SUFU: variants seen among roughly 807,000 people sequenced by gnomAD.
The protein encoded by SUFU is suppressor of fused homolog.
In SUFU, 7 loss-of-function variants were observed where a neutral mutation model predicts 58.9. The ratio of observed to expected loss-of-function variants is 0.12; its 90% CI spans 0.07 to 0.22. SUFU has a LOEUF of 0.22. SUFU is among the 10% of genes least tolerant of loss of function. The pLI, the probability that SUFU is intolerant of heterozygous loss-of-function variation, is 1.00. For synonymous variants in SUFU, 232 were observed against 254.8 expected (o/e 0.91, Z 0.85); for missense variants, 451 against 641.3 (o/e 0.70, Z 3.20).
intron 2 of SUFU, among the ~76,000 whole-genome samples, chr10:102,534,176 C>G (rs958206964): frequency 4.6e-5 from 7 of 152,258 alleles, no homozygotes; most frequent in African/African-American, 1.7e-4. Flanking sequence ...CGCCTGTAAT[C>G]CCAGCACTTT....
chr10:102,569,561 CA>C (rs1188580360), intron 3 of SUFU, among the ~76,000 whole-genome samples: 5 of 152,144 alleles, frequency 3.3e-5, no homozygotes, highest in African/African-American at 1.2e-4. Context: ...GCCTGAACAC[CA>C]AAAGGGTTCA....
intron 6 of SUFU, among the ~76,000 whole-genome samples, chr10:102,594,985 G>T (rs2063446935): frequency 6.6e-6 from 1 of 152,220 alleles, no homozygotes; most frequent in Non-Finnish European, 1.5e-5. Flanking sequence ...CTCCCAAAGT[G>T]CTGGGATTAC....
chr10:102,515,785 A>G (rs1387315884), intron 2 of SUFU, among the ~76,000 whole-genome samples: 1 of 152,178 alleles, frequency 6.6e-6, no homozygotes, highest in Admixed American at 6.5e-5. Context: ...CCCCTGGCTA[A>G]GTTTAGCAGG....
rs568799398 is a variant in SUFU, at chr10:102,617,836, G to C, written c.1296+408G>C. 2.3e-6 allele frequency: 1 copy of C among 440,992 alleles called. No homozygotes were observed. The highest frequency in any genetic ancestry group is 4.0e-6 in the Non-Finnish European group (1 of 250,270). The allele number at this position is 440,992 out of a possible 1,614,324, so 27.3% of individuals were successfully genotyped here. A position where few individuals can be genotyped will look rare whatever the true frequency, so the allele number is the denominator to read the frequency against. ...CAATGGCTACATGGAAATCCCACCA[G>C]AATTCAGACAGTGGCATGTGTGCCT... On this transcript the variant is annotated intron_variant, in intron 10 of 11. Transcript: ENST00000369902. This position sits in a 1 kb window ranked among gnomAD's most constrained non-coding sequence, Gnocchi z 4.4.
chr10:102,521,693 A>G (rs2062553879), intron 2 of SUFU, among the ~76,000 whole-genome samples: 1 of 152,188 alleles, frequency 6.6e-6, no homozygotes, highest in Non-Finnish European at 1.5e-5. Context: ...TGAGAAATGC[A>G]TATACCATGC....
intron 2 of SUFU, among the ~76,000 whole-genome samples, chr10:102,537,821 T>A (rs1373026638): frequency 6.6e-6 from 1 of 152,230 alleles, no homozygotes; most frequent in Non-Finnish European, 1.5e-5. Flanking sequence ...CTTGGGTTGC[T>A]TCTACCTTTT....
intron 2 of SUFU, among the ~76,000 whole-genome samples, chr10:102,525,578 C>A (rs1000298794): frequency 6.6e-6 from 1 of 152,218 alleles, no homozygotes; most frequent in African/African-American, 2.4e-5. Context: ...TCTCAGTTCA[C>A]TGCAACCTCT....
intron 8 of SUFU, among the ~76,000 whole-genome samples, chr10:102,607,213 TA>T (rs1169074790): frequency 6.6e-6 from 1 of 152,104 alleles, no homozygotes; most frequent in Non-Finnish European, 1.5e-5. Flanking sequence ...CATGCCTGGC[TA>T]ATTTTTTGTA....
chr10:102,563,043 C>T (rs2063054488), intron 3 of SUFU, among the ~76,000 whole-genome samples: 1 of 152,166 alleles, frequency 6.6e-6, no homozygotes, highest in South Asian at 2.1e-4. Flanking sequence ...CCCTGGAGAA[C>T]TTCCTATAGC....
At chr10:102,525,945 T>G (rs1210574034) in intron 2 of SUFU, among the ~76,000 whole-genome samples, 1 of 152,204 alleles carries the variant, frequency 6.6e-6, no homozygotes, top group Non-Finnish European at 1.5e-5. Context: ...AAATTTTATA[T>G]AGTTTTAGAT....
chr10:102,515,924 G>A (rs2062462958), intron 2 of SUFU, among the ~76,000 whole-genome samples: 1 of 152,122 alleles, frequency 6.6e-6, no homozygotes, highest in Non-Finnish European at 1.5e-5. Context: ...TCCCTGCTAA[G>A]AACAGGTGAT....
intron 3 of SUFU, among the ~76,000 whole-genome samples, chr10:102,580,137 G>A (rs563967768): frequency 4.0e-5 from 6 of 151,886 alleles, no homozygotes; most frequent in African/African-American, 1.4e-4. Context: ...CAGAGGGGCT[G>A]TTGAGCAGTC....
intron 2 of SUFU, among the ~76,000 whole-genome samples, chr10:102,530,712 C>T (rs968835832): frequency 6.6e-6 from 1 of 151,846 alleles, no homozygotes; most frequent in Non-Finnish European, 1.5e-5. Context: ...CCTCGGCCTC[C>T]CAAAGTACTG....
At chr10:102,624,003 G>A (rs1244471606) in intron 10 of SUFU, among the ~76,000 whole-genome samples, 1 of 152,164 alleles carries the variant, frequency 6.6e-6, no homozygotes, top group African/African-American at 2.4e-5. Context: ...GGGCAAAGTG[G>A]GGATGATAGT....
chr10:102,597,477 A>C (rs2063475187), intron 7 of SUFU, among the ~76,000 whole-genome samples, 184 bp downstream of exon 7: 1 of 152,228 alleles, frequency 6.6e-6, no homozygotes, highest in Non-Finnish European at 1.5e-5. Context: ...TTATTGGCCC[A>C]TTCCTAGTTG....
chr10:102,542,421 G>A (rs2062812416), intron 2 of SUFU, among the ~76,000 whole-genome samples: 1 of 143,092 alleles, frequency 7.0e-6, no homozygotes, highest in African/African-American at 2.6e-5. Flanking sequence ...GTGAGCCACT[G>A]CGCCCGGCCT....
intron 3 of SUFU, among the ~76,000 whole-genome samples, chr10:102,561,296 T>G (rs2063035114): frequency 6.6e-6 from 1 of 152,226 alleles, no homozygotes; most frequent in Non-Finnish European, 1.5e-5. Context: ...ATAATACTAT[T>G]GGGGCCATCC....
At position 102,550,196 on chromosome 10, in the gene SUFU, G is replaced by C; in HGVS notation, c.454+90G>C. Reference sequence around the variant, plus strand: ...TAGCAGCTATATTTTGATGTTTGTGGAGTGGCCTTTCCTGGGAGTACTATG... The same window carrying C: ...TAGCAGCTATATTTTGATGTTTGTGCAGTGGCCTTTCCTGGGAGTACTATG... On this transcript the variant is annotated intron_variant, in intron 3 of 11. Coordinates refer to ENST00000369902, the MANE Select transcript of SUFU (RefSeq NM_016169.4). 1.9e-6 allele frequency: 3 copies of C among 1,576,814 alleles called. No individual in the cohort carries two copies. In the Admixed American group the frequency reaches 5.3e-5, roughly 28 times the overall value.
At position 102,633,148 on chromosome 10, in the gene SUFU, A is replaced by T. The variant is rs1035344916; in HGVS notation, c.*2993A>T. On this transcript the variant is annotated 3_prime_UTR_variant, in exon 12 of 12. Transcript: ENST00000369902. ...ACCAGTAGAGAATTTCCTTTACTGTATTTTTGTGTCTGGTCTTCCCTTTCT... is the reference window on the plus strand; with the variant it reads ...ACCAGTAGAGAATTTCCTTTACTGTTTTTTTGTGTCTGGTCTTCCCTTTCT... The T allele has an allele frequency of 4.3e-6, 1 of 233,244 alleles. No homozygotes were observed. Among genetic ancestry groups the T allele is most frequent in the Non-Finnish European group, 8.5e-6 (1 of 118,000 alleles). The allele number at this position is 233,244 out of a possible 1,614,324, so 14.4% of individuals were successfully genotyped here.
Sources: gnomAD v4.1 joint callset for allele counts (sites outside exome capture counted in the v4.1 genomes callset) on GRCh38, gnomAD v4.1.1 for gene constraint, Gnocchi (gnomAD v3.1) non-coding constraint, MANE v1.5 for transcripts, NCBI Gene and HGNC (gene_info 2026-07-23, HGNC 2026-07-21) for gene names.